The following FBXL7 variants were observed in gnomAD, a reference collection of about 807,000 sequenced individuals.
FBXL7 encodes F-box and leucine rich repeat protein 7.
In FBXL7, 12 loss-of-function variants were observed where a neutral mutation model predicts 38.3. The observed-to-expected ratio is 0.31, with a 90% CI of 0.20 to 0.51. The LOEUF (loss-of-function observed/expected upper bound fraction) is 0.51. Among genes scored for constraint, FBXL7 ranks in the 20% least tolerant of loss-of-function variants. The pLI, the probability that FBXL7 is intolerant of heterozygous loss-of-function variation, is 0.98. For synonymous variants in FBXL7, 297 were observed against 300.9 expected (o/e 0.99, Z 0.13); for missense variants, 567 against 676.4 (o/e 0.84, Z 1.79).
At chr5:15,529,608 G>T (rs548195097) in intron 1 of FBXL7, among the ~76,000 whole-genome samples, 18 of 151,212 alleles carry the variant, frequency 1.2e-4, no homozygotes, top group Admixed American at 4.6e-4. Context: ...CAGGATGGTC[G>T]CGATCTCCTG....
At chr5:15,702,523 C>T (rs1439590727) in intron 2 of FBXL7, among the ~76,000 whole-genome samples, 2 of 152,124 alleles carry the variant, frequency 1.3e-5, no homozygotes, top group African/African-American at 4.8e-5. Context: ...CTTCTTTCTG[C>T]ATGTGCTTTT....
At chr5:15,835,586 A>C (rs940933669) in intron 2 of FBXL7, among the ~76,000 whole-genome samples, 2 of 152,148 alleles carry the variant, frequency 1.3e-5, no homozygotes, top group Non-Finnish European at 2.9e-5. Flanking sequence ...AGTGGATATT[A>C]CTTTAAAATA....
At chr5:15,612,834 C>T (rs955820334) in intron 1 of FBXL7, among the ~76,000 whole-genome samples, 3 of 152,150 alleles carry the variant, frequency 2.0e-5, no homozygotes, top group Non-Finnish European at 4.4e-5. Flanking sequence ...GGAGTGGGCA[C>T]GTGCATGCCA....
At chr5:15,558,871 A>G (rs891955258) in intron 1 of FBXL7, among the ~76,000 whole-genome samples, 5 of 152,216 alleles carry the variant, frequency 3.3e-5, no homozygotes, top group Non-Finnish European at 1.5e-5. Context: ...AGCCAGGAGC[A>G]TGCACTCTGT....
At chr5:15,793,244 T>G (rs2126733197) in intron 2 of FBXL7, among the ~76,000 whole-genome samples, 1 of 152,256 alleles carries the variant, frequency 6.6e-6, no homozygotes, top group Non-Finnish European at 1.5e-5. Flanking sequence ...CAACAGAAGT[T>G]TATTCTTTCA....
intron 1 of FBXL7, among the ~76,000 whole-genome samples, chr5:15,536,881 C>T (rs140562231): frequency 9.9e-5 from 15 of 151,792 alleles, no homozygotes; most frequent in South Asian, 4.2e-4. Flanking sequence ...TCACCCAAAT[C>T]TCATCTTGAA....
At chr5:15,935,030 G>C (rs981723320) in intron 3 of FBXL7, among the ~76,000 whole-genome samples, 25 of 152,220 alleles carry the variant, frequency 1.6e-4, no homozygotes, top group African/African-American at 5.8e-4. Flanking sequence ...TCTATAAACA[G>C]ATTGGCTCTG....
At chr5:15,893,127 A>AG (rs1442020048) in intron 2 of FBXL7, among the ~76,000 whole-genome samples, 4 of 151,946 alleles carry the variant, frequency 2.6e-5, no homozygotes, top group Non-Finnish European at 4.4e-5. Flanking sequence ...AAAAAAAAAA[A>AG]AAAAGAAATC....
chr5:15,642,379 A>C (rs1319942114), intron 2 of FBXL7, among the ~76,000 whole-genome samples: 1 of 152,218 alleles, frequency 6.6e-6, no homozygotes, highest in Non-Finnish European at 1.5e-5. Context: ...AGCAATTTCC[A>C]AGGGTCCCAG....
At chr5:15,527,677 C>T (rs1251327439) in intron 1 of FBXL7, among the ~76,000 whole-genome samples, 2 of 152,168 alleles carry the variant, frequency 1.3e-5, no homozygotes, top group East Asian at 3.8e-4. Flanking sequence ...CATCTTAATC[C>T]ATTTCCTTCC....
At position 15,549,701 on chromosome 5, in the gene FBXL7, T is replaced by C. The variant is rs73754135; in HGVS notation, c.37+48988T>C. Among the ~76,000 whole-genome samples the C allele has an allele frequency of 3.2e-3, 485 of 152,288 alleles. 4 individuals are homozygous for C. Among genetic ancestry groups the C allele is most frequent in the African/African-American group, 0.011 (459 of 41,542 alleles). On this transcript the variant is annotated intron_variant, in intron 1 of 3. Transcript: ENST00000504595. ...CTTGTTTTCTCTCTTGTTATATAAGTAGCTACATAATATCCTTGATTCTGA... is the reference window on the plus strand; with the variant it reads ...CTTGTTTTCTCTCTTGTTATATAAGCAGCTACATAATATCCTTGATTCTGA...
At position 15,811,207 on chromosome 5, in the gene FBXL7, T is replaced by C. The variant is rs576304823; in HGVS notation, c.128-116683T>C. On this transcript the variant is annotated intron_variant, in intron 2 of 3. Transcript: ENST00000504595. ...TTTGCTGTGAGATCATATTCAGTTC[T>C]GATGAATCTTTAAAGTGTGTCTATT... Among the ~76,000 whole-genome samples the C allele has an allele frequency of 1.9e-3, 296 of 152,332 alleles. 1 individual carries two copies. The highest frequency in any genetic ancestry group is 6.8e-3 in the African/African-American group (282 of 41,586).
intron 2 of FBXL7, among the ~76,000 whole-genome samples, chr5:15,925,682 C>T (rs1334452948): frequency 6.6e-6 from 1 of 152,112 alleles, no homozygotes; most frequent in East Asian, 1.9e-4. Flanking sequence ...CTGGAAATGA[C>T]TTAGAAATTG....
intron 2 of FBXL7, among the ~76,000 whole-genome samples, chr5:15,844,285 A>T (rs1280198259): frequency 6.6e-6 from 1 of 152,190 alleles, no homozygotes; most frequent in Non-Finnish European, 1.5e-5. Context: ...CTTACATCGG[A>T]GGTCTGCTTC....
chr5:15,845,518 T>A (rs1007461624), intron 2 of FBXL7, among the ~76,000 whole-genome samples: 12 of 152,272 alleles, frequency 7.9e-5, no homozygotes, highest in Admixed American at 2.0e-4. Context: ...GGAGCTCATA[T>A]TGCTAAATAA....
chr5:15,838,978 T>G (rs1251797965), intron 2 of FBXL7, among the ~76,000 whole-genome samples: 2 of 152,220 alleles, frequency 1.3e-5, no homozygotes, highest in Non-Finnish European at 2.9e-5. Context: ...AATTATGTAT[T>G]TGGTTTTGCT....
At position 15,842,324 on chromosome 5, in the gene FBXL7, G is replaced by A. The variant is rs578212834; in HGVS notation, c.128-85566G>A. ...TCAGACTTGCATGGGACCTATAGCC[G>A]CTTCATTTTGGCCAATTTCTTCCAT... On this transcript the variant is annotated intron_variant, in intron 2 of 3. Coordinates refer to ENST00000504595, the MANE Select transcript of FBXL7 (RefSeq NM_012304.5). 1.4e-4 allele frequency among the ~76,000 whole-genome samples: 21 copies of A among 152,240 alleles called. No individual in the cohort carries two copies. The East Asian group carries it at 2.7e-3, about 20-fold the overall frequency.
chr5:15,601,449 A>G (rs1208680947), intron 1 of FBXL7, among the ~76,000 whole-genome samples: 1 of 152,174 alleles, frequency 6.6e-6, no homozygotes, highest in African/African-American at 2.4e-5. Context: ...ATCTGTCAGC[A>G]GCCGCAGCAG....
intron 2 of FBXL7, among the ~76,000 whole-genome samples, chr5:15,896,884 G>A (rs551796492): frequency 5.9e-5 from 9 of 152,208 alleles, no homozygotes; most frequent in South Asian, 2.1e-4. Context: ...CTGTAATCCC[G>A]GCATTTTGGG....
Sources: allele counts gnomAD v4.1 joint callset (sites outside exome capture counted in the v4.1 genomes callset), GRCh38; gene constraint gnomAD v4.1.1; transcripts MANE v1.5; gene names NCBI Gene and HGNC (gene_info 2026-07-23, HGNC 2026-07-21).